The following IL4I1 variants were observed in gnomAD, a reference collection of about 807,000 sequenced individuals.
The protein encoded by IL4I1 is L-amino-acid oxidase.
IL4I1 carries 24 observed loss-of-function variants against 29.7 expected under a neutral mutation model. That is an observed-to-expected ratio of 0.81 (90% CI 0.59 to 1.14). IL4I1 has a LOEUF of 1.14. IL4I1 is among the 50% of genes most tolerant of loss of function. The pLI is 0.00. For synonymous variants in IL4I1, 371 were observed against 352.5 expected, an observed-to-expected ratio of 1.05 and a Z score of -0.59; for missense variants, 686 against 785.6, an observed-to-expected ratio of 0.87 and a Z score of 1.52.
At chr19:49,898,668 G>A (rs562282913), upstream of IL4I1, among the ~76,000 whole-genome samples, 83 of 152,258 alleles carry the variant, frequency 5.5e-4, no homozygotes, top group African/African-American at 1.9e-3. Context: ...AGGAGTTCAA[G>A]ACCAACCTGG....
intron 2 of IL4I1, among the ~76,000 whole-genome samples, chr19:49,912,706 A>G (rs1338150507): frequency 1.3e-5 from 2 of 152,022 alleles, no homozygotes; most frequent in Non-Finnish European, 2.9e-5. Context: ...TCTACACAAA[A>G]AACACAAAAA....
intron 3 of IL4I1, 140 bp from the exon 4 acceptor site, chr19:49,895,320 T>C: frequency 1.6e-6 from 1 of 611,738 alleles, no homozygotes; most frequent in Non-Finnish European, 2.7e-6. Context: ...GGTCCCCTTC[T>C]GTATGGAGGT....
chr19:49,924,610 G>A (rs977308681), intron 2 of IL4I1, among the ~76,000 whole-genome samples: 3 of 152,240 alleles, frequency 2.0e-5, no homozygotes, highest in African/African-American at 7.2e-5. Flanking sequence ...TCGAGGCTGG[G>A]GGAGGCCAGG....
intron 5 of IL4I1, among the ~76,000 whole-genome samples, chr19:49,893,859 C>T (rs1362640634): frequency 1.6e-4 from 24 of 151,548 alleles, no homozygotes; most frequent in African/African-American, 2.4e-4. Flanking sequence ...TGGTGGCGGG[C>T]GCCTGTAATC....
chr19:49,901,527 G>T, upstream of IL4I1: 1 of 632,510 alleles, frequency 1.6e-6, no homozygotes, highest in Non-Finnish European at 2.4e-6. Context: ...TCGGAGGACA[G>T]AATTAGTGAG....
At chr19:49,890,853 AT>A in intron 7 of IL4I1, 117 bp downstream of exon 7, 1 of 924,980 alleles carries the variant, frequency 1.1e-6, no homozygotes. Flanking sequence ...GCGACCATCA[AT>A]TAGGCCACGC....
At chr19:49,907,889 GGA>G in intron 2 of IL4I1, 1 of 408,980 alleles carries the variant, frequency 2.4e-6, no homozygotes, top group South Asian at 2.4e-5. Context: ...ACTATGCTTT[GGA>G]GAGAGTGGCT....
rs1279201664 is a variant in IL4I1 at position 49,890,173 on chromosome 19, A to C, written c.1201T>G (p.Ser401Ala). 6.5e-7 allele frequency: 1 copy of C among 1,542,406 alleles called. No individual in the cohort carries two copies. The highest frequency in any genetic ancestry group is 2.5e-5 in the East Asian group (1 of 40,754). ...GALLLASYTW[S>A]DAAAAFAGLS... ...CCGGCGAACGCTGCCGCCGCGTCCG[A>C]CCACGTGTACGAGGCCAGCAGCAGC... Residue 401 changes from serine (S) to alanine (A), a missense_variant, in exon 8 of 8, where the codon TCG becomes GCG. Physicochemically the swap from Ser to Ala is moderately conservative, Grantham distance 99 (BLOSUM62 1). Transcript: ENST00000391826.
In IL4I1 at chr19:49,890,398, C is replaced by A. The variant is rs764731962; in HGVS notation, c.976G>T (p.Ala326Ser). ...GGCGAGAAGGTGATGCGCTTCACCGCCGGTCCGCTCGCCGTCAGCAGCACC... is the reference window on the plus strand; with the variant it reads ...GGCGAGAAGGTGATGCGCTTCACCGACGGTCCGCTCGCCGTCAGCAGCACC... ...DVVLLTASGP[A>S]VKRITFSPPL... Residue 326 changes from alanine to serine, a missense_variant, in exon 8 of 8, where the codon GCG becomes TCG. Ala to Ser is a moderately conservative substitution (Grantham distance 99, BLOSUM62 1). Transcript: ENST00000391826. The A allele has an allele frequency of 6.2e-7, 1 of 1,606,734 alleles. No homozygotes were observed. The highest frequency in any genetic ancestry group is 8.5e-7 in the Non-Finnish European group (1 of 1,178,148).
At chr19:49,909,522 T>G (rs1235435078) in intron 2 of IL4I1, 1 of 1,614,186 alleles carries the variant, frequency 6.2e-7, no homozygotes, top group Non-Finnish European at 8.5e-7. Flanking sequence ...AAGTTGAGCT[T>G]TGAAGCACCG....
At chr19:49,906,229 GAC>G (rs1259223104) in intron 2 of IL4I1, among the ~76,000 whole-genome samples, 10 of 151,972 alleles carry the variant, frequency 6.6e-5, no homozygotes, top group East Asian at 5.8e-4. Flanking sequence ...TATTTTTTGA[GAC>G]AGAGTCTTGC....
At chr19:49,926,070 A>G (rs2075879116) in intron 2 of IL4I1, among the ~76,000 whole-genome samples, 1 of 151,866 alleles carries the variant, frequency 6.6e-6, no homozygotes, top group Non-Finnish European at 1.5e-5. Flanking sequence ...TTAGCCAGGC[A>G]TGATGGTGCA....
chr19:49,890,928 T>TGGGGCGGGGGGGG, intron 7 of IL4I1, 43 bp downstream of exon 7: 1 of 633,210 alleles, frequency 1.6e-6, no homozygotes. Context: ...TTTCCCTGAT[T>TGGGGCGGGGGGGG]GCCCCCCGCC....
intron 5 of IL4I1, among the ~76,000 whole-genome samples, chr19:49,894,012 GAA>G (rs2075172624): frequency 8.6e-6 from 1 of 116,200 alleles, no homozygotes; most frequent in African/African-American, 3.3e-5. Context: ...AAAAAAAAAA[GAA>G]GGGAGTTGAG....
intron 3 of IL4I1, among the ~76,000 whole-genome samples, chr19:49,902,699 G>T (rs998788329): frequency 3.3e-5 from 5 of 151,912 alleles, no homozygotes; most frequent in Middle Eastern, 6.8e-3. Flanking sequence ...GTGGTGGCGG[G>T]CACCTCTGTA....
Position 49,923,270 on chromosome 19 carries a change from G to A in IL4I1, c.-228+4424C>T, listed in dbSNP as rs3786667. On this transcript the variant is annotated intron_variant, in intron 2 of 9. Coordinates refer to the IL4I1 transcript ENST00000341114. ...TGCCAGGACTCCCACCTTCAACCCC[G>A]GCACCCCTGGCCTGCGTGACCCAGT... 3.6e-3 allele frequency among the ~76,000 whole-genome samples: 548 copies of A among 152,224 alleles called. 12 individuals carry two copies. The highest frequency in any genetic ancestry group is 0.036 in the South Asian group (173 of 4,820).
intron 7 of IL4I1, 33 bp downstream of exon 7, chr19:49,890,938 C>G (rs572843531): frequency 6.1e-5 from 22 of 359,814 alleles, no homozygotes; most frequent in African/African-American, 3.6e-4. Flanking sequence ...TGCCCCCCGC[C>G]CCCCCCCCCT....
At chr19:49,911,194 G>C (rs1049878315) in intron 2 of IL4I1, 1 of 152,268 alleles carries the variant, frequency 6.6e-6, no homozygotes, top group South Asian at 2.1e-4. Context: ...GAGCCCTAAA[G>C]ATGATCAGCA....
chr19:49,918,899 G>C (rs1390380008), intron 2 of IL4I1, among the ~76,000 whole-genome samples: 6 of 129,638 alleles, frequency 4.6e-5, no homozygotes, highest in Admixed American at 7.5e-5. Context: ...GGAGGCTGGG[G>C]GGGGGGGGGC....
Sources: gnomAD v4.1 joint callset for allele counts (sites outside exome capture counted in the v4.1 genomes callset) on GRCh38, gnomAD v4.1.1 for gene constraint, MANE v1.5 for transcripts, NCBI Gene and HGNC (gene_info 2026-07-23, HGNC 2026-07-21) for gene names.